FOXP2: variants seen among roughly 807,000 people sequenced by gnomAD.
FOXP2 encodes the protein forkhead box P2, also known as forkhead box protein P2.
In FOXP2, 12 loss-of-function variants were observed where a neutral mutation model predicts 115.8. That is an observed-to-expected ratio of 0.10 (90% CI 0.07 to 0.17). The LOEUF is 0.17. Among genes scored for constraint, FOXP2 ranks in the 10% least tolerant of loss-of-function variants. The pLI, the probability that FOXP2 is intolerant of heterozygous loss-of-function variation, is 1.00. For synonymous variants in FOXP2, 328 were observed against 297.7 expected, an observed-to-expected ratio of 1.10 and a Z score of -1.05; for missense variants, 629 against 843.5, an observed-to-expected ratio of 0.75 and a Z score of 3.15.
At chr7:114,252,165 T>C (rs1795464134) in intron 1 of FOXP2, among the ~76,000 whole-genome samples, 1 of 152,184 alleles carries the variant, frequency 6.6e-6, no homozygotes, top group Non-Finnish European at 1.5e-5. Context: ...TGGATAAGCT[T>C]TTTGATGAGC....
chr7:114,419,713 GAC>G lies in FOXP2; in HGVS notation c.-11+4386_-11+4387del, dbSNP rs35955915. Reference sequence around the variant, plus strand: ...GTGACAGGTCGCTTACATACACATAGACACACACACACACACACACACACACA... The same window carrying G: ...GTGACAGGTCGCTTACATACACATAGACACACACACACACACACACACACA... On this transcript the variant is annotated intron_variant, in intron 1 of 16. Transcript: ENST00000350908. 1,050 of 141,090 alleles carry G rather than the reference GAC, an allele frequency of 7.4e-3. 11 individuals carry two copies. The highest frequency in any genetic ancestry group is 0.02 in the African/African-American group (760 of 38,586). 8.7% of individuals were successfully genotyped at this position (141,090 alleles called of 1,614,324 possible).
At chr7:114,353,520 T>A (rs1791545061) in intron 2 of FOXP2, among the ~76,000 whole-genome samples, 1 of 151,944 alleles carries the variant, frequency 6.6e-6, no homozygotes, top group Non-Finnish European at 1.5e-5. Context: ...CAGATTGGGA[T>A]TTACATGAGA....
chr7:114,412,507 G>C (rs372758658), upstream of FOXP2, among the ~76,000 whole-genome samples: 1 of 152,114 alleles, frequency 6.6e-6, no homozygotes, highest in African/African-American at 2.4e-5. Context: ...GAGATTGTTT[G>C]TGTTTATTGG....
intron 2 of FOXP2, among the ~76,000 whole-genome samples, chr7:114,342,377 T>G (rs1050884437): frequency 5.3e-5 from 8 of 151,462 alleles, no homozygotes; most frequent in African/African-American, 1.9e-4. Flanking sequence ...AATATAGTTA[T>G]AGTTCCAAGA....
chr7:114,384,369 G>A (rs4310137), intron 2 of FOXP2, among the ~76,000 whole-genome samples: 58,594 of 152,042 alleles, frequency 0.39, 12,217 homozygotes, highest in African/African-American at 0.52. Context: ...AACCTTTTGA[G>A]TCAGGATTGA....
At chr7:114,515,245 G>T (rs950334748) in intron 2 of FOXP2, among the ~76,000 whole-genome samples, 26 of 150,184 alleles carry the variant, frequency 1.7e-4, no homozygotes, top group African/African-American at 6.2e-4. Flanking sequence ...TAATGGGATG[G>T]CTGGGTCAAA....
At chr7:114,311,353 G>A (rs1797143566) in intron 2 of FOXP2, among the ~76,000 whole-genome samples, 2 of 152,172 alleles carry the variant, frequency 1.3e-5, no homozygotes, top group South Asian at 4.1e-4. Flanking sequence ...AGGGGCAGTG[G>A]TGATGGTTCT....
At position 114,572,419 on chromosome 7, in the gene FOXP2, AT is replaced by A. The variant is rs529904755; in HGVS notation, c.258+37717del. 8.6e-5 allele frequency among the ~76,000 whole-genome samples: 13 copies of A among 151,852 alleles called. No homozygotes were observed. The South Asian group carries it at 2.3e-3, about 27-fold the overall frequency. On this transcript the variant is annotated intron_variant, in intron 3 of 16. Coordinates refer to ENST00000350908, the MANE Select transcript of FOXP2 (RefSeq NM_014491.4). ...AAAGAAAAATAGCAAAAATTTAAAA[AT>A]TTTGGTAAGTTTTGCTGATATGATG...
At chr7:114,464,491 A>G (rs1795720665) in intron 2 of FOXP2, among the ~76,000 whole-genome samples, 1 of 152,232 alleles carries the variant, frequency 6.6e-6, no homozygotes, top group Admixed American at 6.5e-5. Flanking sequence ...AAGGTTTCCC[A>G]TGATAGCCCA....
intron 16 of FOXP2, among the ~76,000 whole-genome samples, chr7:114,670,374 A>G (rs1460924362): frequency 2.6e-5 from 4 of 152,066 alleles, no homozygotes; most frequent in African/African-American, 7.2e-5. Context: ...TGCAATAGAG[A>G]TCATAAGATT....
chr7:114,227,079 TCAAA>T (rs1308331405), intron 1 of FOXP2, among the ~76,000 whole-genome samples: 1 of 152,128 alleles, frequency 6.6e-6, no homozygotes, highest in African/African-American at 2.4e-5. Context: ...TTCATGACAG[TCAAA>T]CAAATTTTAA....
intron 1 of FOXP2, among the ~76,000 whole-genome samples, chr7:114,108,871 T>C (rs1211337819): frequency 2.0e-5 from 3 of 151,986 alleles, no homozygotes; most frequent in African/African-American, 4.8e-5. Flanking sequence ...CTGCTAAATC[T>C]AGGTTACATA....
chr7:114,577,523 A>C (rs963661685), intron 3 of FOXP2, among the ~76,000 whole-genome samples: 8 of 151,956 alleles, frequency 5.3e-5, no homozygotes, highest in Non-Finnish European at 8.8e-5. Context: ...GAGAATTCAA[A>C]ATTGAACTTT....
intron 3 of FOXP2, among the ~76,000 whole-genome samples, chr7:114,603,505 C>T (rs565231195): frequency 1.3e-5 from 2 of 152,284 alleles, no homozygotes; most frequent in Admixed American, 6.5e-5. Context: ...TTTTGAACTA[C>T]CTGATTTCTC....
At chr7:114,331,552 T>TGTCA (rs1797714283) in intron 2 of FOXP2, among the ~76,000 whole-genome samples, 2 of 152,206 alleles carry the variant, frequency 1.3e-5, no homozygotes, top group African/African-American at 4.8e-5. Flanking sequence ...GAGGAAAACG[T>TGTCA]GTCAGCTTCT....
Position 114,690,356 on chromosome 7 carries a change from G to C in FOXP2, c.*430G>C, listed in dbSNP as rs1249063208. On this transcript the variant is annotated 3_prime_UTR_variant, in exon 17 of 17. Transcript: ENST00000350908. Reference sequence around the variant, plus strand: ...GTGAATTTTCCAGCATTCAGTAGTTGTAATGTTAGAAACAATTGCTGGTCA... The same window carrying C: ...GTGAATTTTCCAGCATTCAGTAGTTCTAATGTTAGAAACAATTGCTGGTCA... 2.2e-6 allele frequency: 1 copy of C among 454,168 alleles called. No homozygotes were observed. The highest frequency in any genetic ancestry group is 7.0e-5 in the East Asian group (1 of 14,388). 28.1% of individuals were successfully genotyped at this position (454,168 alleles called of 1,614,324 possible). A position where few individuals can be genotyped will look rare whatever the true frequency, so the allele number is the denominator to read the frequency against.
chr7:114,524,658 G>A (rs1798779198), intron 2 of FOXP2, among the ~76,000 whole-genome samples: 2 of 151,912 alleles, frequency 1.3e-5, no homozygotes, highest in Admixed American at 1.3e-4. Context: ...ATTATAACTG[G>A]CATATCATGA....
chr7:114,589,611 T>C (rs764531268), intron 3 of FOXP2, among the ~76,000 whole-genome samples: 4 of 152,220 alleles, frequency 2.6e-5, no homozygotes, highest in Non-Finnish European at 1.5e-5. Flanking sequence ...AATGCACTTC[T>C]CAGACTTTAT....
intron 3 of FOXP2, among the ~76,000 whole-genome samples, chr7:114,574,759 G>A (rs144008074): frequency 2.8e-4 from 42 of 151,966 alleles, no homozygotes; most frequent in Middle Eastern, 6.8e-3. Flanking sequence ...GCAATTATGT[G>A]GAATGCTTAG....
Sources: allele counts gnomAD v4.1 joint callset (sites outside exome capture counted in the v4.1 genomes callset), GRCh38; gene constraint gnomAD v4.1.1; transcripts MANE v1.5; gene names NCBI Gene and HGNC (gene_info 2026-07-23, HGNC 2026-07-21).